Variants in HNRNPLL observed in about 807,000 individuals in gnomAD.
The protein encoded by HNRNPLL is heterogeneous nuclear ribonucleoprotein L-like.
In HNRNPLL, 25 loss-of-function variants were observed where a neutral mutation model predicts 67.1. The ratio of observed to expected loss-of-function variants is 0.37; its 90% CI spans 0.27 to 0.52. The LOEUF (loss-of-function observed/expected upper bound fraction) is 0.52. HNRNPLL is among the 20% of genes least tolerant of loss of function. The pLI is 0.90. For missense variants in HNRNPLL, 542 were observed against 673.9 expected (o/e 0.80, Z 2.17); for synonymous variants, 267 against 241.7 (o/e 1.10, Z -0.97).
At chr2:38,584,135 C>G (rs1401440228) in intron 3 of HNRNPLL, among the ~76,000 whole-genome samples, 2 of 152,166 alleles carry the variant, frequency 1.3e-5, no homozygotes, top group African/African-American at 4.8e-5. Flanking sequence ...GATCACAGTT[C>G]CCTACAGCCC....
chr2:38,568,535 T>G lies in HNRNPLL; in HGVS notation c.1417-92A>C. 3.9e-6 allele frequency: 3 copies of G among 761,254 alleles called. No homozygotes were observed. In the South Asian group the frequency reaches 5.4e-5, roughly 14 times the overall value. The allele number at this position is 761,254 out of a possible 1,614,324, so 47.2% of individuals were successfully genotyped here. ...TAAACTTTATGGCAGAATTTAAGTT[T>G]TAATTCTCAAATGAATGGATTAAAT... On this transcript the variant is annotated intron_variant, in intron 10 of 12. Coordinates refer to ENST00000449105, the MANE Select transcript of HNRNPLL (RefSeq NM_138394.4).
chr2:38,602,516 C>G lies in HNRNPLL; in HGVS notation c.111G>C (p.Glu37Asp). The G allele has an allele frequency of 1.3e-6, 2 of 1,551,890 alleles. No individual in the cohort carries two copies. Among genetic ancestry groups the G allele is most frequent in the Non-Finnish European group, 1.7e-6 (2 of 1,149,118 alleles). The part of the protein sequence containing the change: ...TEEGEIDYSA[E>D]EGENRREATP... ...TCGCTTCCCGGCGGTTCTCGCCTTCCTCGGCCGAGTAGTCGATCTCCCCCT... is the reference window on the plus strand; with the variant it reads ...TCGCTTCCCGGCGGTTCTCGCCTTCGTCGGCCGAGTAGTCGATCTCCCCCT... Residue 37 changes from glutamate (E) to aspartate (D), a missense_variant, in exon 1 of 13, where the codon GAG (glutamate) becomes GAC (aspartate). Glu to Asp is a conservative substitution (Grantham distance 45). This residue lies in a region of HNRNPLL where 127 missense variants were observed against 98.7 expected (regional missense o/e 1.29). Coordinates refer to ENST00000449105, the MANE Select transcript of HNRNPLL (RefSeq NM_138394.4).
intron 6 of HNRNPLL, among the ~76,000 whole-genome samples, 161 bp from the exon 7 acceptor site, chr2:38,577,693 C>T (rs1666353548): frequency 6.6e-6 from 1 of 152,082 alleles, no homozygotes; most frequent in African/African-American, 2.4e-5. Context: ...AATTTAAACA[C>T]AACACCAAGA....
At chr2:38,588,353 G>A (rs1204083766) in intron 2 of HNRNPLL, among the ~76,000 whole-genome samples, 1 of 151,600 alleles carries the variant, frequency 6.6e-6, no homozygotes, top group Non-Finnish European at 1.5e-5. Context: ...TTCAAGGCCA[G>A]CCTGGCCAAG....
In HNRNPLL at chr2:38,589,879, T is replaced by C. The variant is rs115369472; in HGVS notation, c.308+1651A>G. 6.1e-3 allele frequency among the ~76,000 whole-genome samples: 926 copies of C among 152,100 alleles called. 7 individuals are homozygous for C. Among genetic ancestry groups the C allele is most frequent in the African/African-American group, 0.021 (882 of 41,502 alleles). ...TAAATACACAAGAAGAGAGGAAAAATAAACCACAGACACCCACCTCTTTAT... is the reference window on the plus strand; with the variant it reads ...TAAATACACAAGAAGAGAGGAAAAACAAACCACAGACACCCACCTCTTTAT... On this transcript the variant is annotated intron_variant, in intron 2 of 12. Transcript: ENST00000449105.
At chr2:38,565,942 G>T in intron 12 of HNRNPLL, 1 of 785,132 alleles carries the variant, frequency 1.3e-6, no homozygotes, top group Non-Finnish European at 1.5e-6. Flanking sequence ...AATTTCAGAT[G>T]TTATTCCAGC....
chr2:38,568,121 T>C, intron 12 of HNRNPLL, 78 bp downstream of exon 12: 1 of 882,006 alleles, frequency 1.1e-6, no homozygotes, highest in South Asian at 1.6e-5. Flanking sequence ...TTAAGTGTTA[T>C]TTTTATATTA....
chr2:38,579,929 A>T (rs1666457163), intron 6 of HNRNPLL, among the ~76,000 whole-genome samples: 2 of 152,182 alleles, frequency 1.3e-5, no homozygotes, highest in African/African-American at 2.4e-5. Context: ...TTCAAAGCAT[A>T]AACTAAAAAC....
intron 12 of HNRNPLL, among the ~76,000 whole-genome samples, chr2:38,566,945 C>T (rs1033281843): frequency 5.3e-5 from 8 of 151,558 alleles, no homozygotes; most frequent in Admixed American, 3.9e-4. Context: ...AGTGGGGGGA[C>T]GGGTAAATAA....
chr2:38,573,354 A>G lies in HNRNPLL; in HGVS notation c.948T>C (p.Ala316=), dbSNP rs201219653. The G allele has an allele frequency of 1.2e-6, 2 of 1,612,792 alleles. No homozygotes were observed. The highest frequency in any genetic ancestry group is 2.7e-5 in the African/African-American group (2 of 74,970). ...AGGAAGAAGCCTGTGGTAATGGATA[A>G]GCAACAAGTTCAGGTGTATCTCGAG... ...MGSRDTPELV[A]YPLPQASSSY... is the part of the protein sequence containing the mutation. The change falls in exon 8 of 13, where the codon GCT becomes GCC. Residue 316 remains alanine (A), a synonymous_variant. Transcript: ENST00000449105.
In HNRNPLL at chr2:38,591,510, G is replaced by GA. The variant is rs1178499079; in HGVS notation, c.308+19dup. The GA allele has an allele frequency of 8.4e-7, 1 of 1,195,752 alleles. No homozygotes were observed. The highest frequency in any genetic ancestry group is 1.3e-6 in the Non-Finnish European group (1 of 798,080). The allele number at this position is 1,195,752 out of a possible 1,614,324, so 74.1% of individuals were successfully genotyped here. ...TTCTACCACAGTTTTCAATCTACAT[G>GA]AAGTCCCTATCATCCTTACCATATT... On this transcript the variant is annotated intron_variant, in intron 2 of 12. Transcript: ENST00000449105.
At chr2:38,567,936 A>G (rs781069516) in intron 12 of HNRNPLL, 38 of 305,500 alleles carry the variant, frequency 1.2e-4, no homozygotes, top group South Asian at 3.2e-4. Context: ...CTAAGCCCGA[A>G]TTGCCCAGCT....
At chr2:38,591,503 T>C (rs142269350) in intron 2 of HNRNPLL, 27 bp downstream of exon 2, 4 of 1,131,774 alleles carry the variant, frequency 3.5e-6, no homozygotes, top group East Asian at 2.3e-5. Flanking sequence ...CAGTTTTCAA[T>C]CTACATGAAG....
At chr2:38,573,069 A>G (rs568136176) in intron 8 of HNRNPLL, 141 bp downstream of exon 8, 24 of 631,812 alleles carry the variant, frequency 3.8e-5, no homozygotes, top group Non-Finnish European at 6.0e-5. Context: ...GAGTTCCTAT[A>G]TAATAGATTT....
chr2:38,564,316 T>C (rs1665766364), intron 12 of HNRNPLL, 79 bp from the exon 13 acceptor site: 2 of 786,302 alleles, frequency 2.5e-6, no homozygotes, highest in Admixed American at 2.1e-5. Flanking sequence ...GTAAATTACT[T>C]CACCTTTTTA....
At position 38,564,050 on chromosome 2, in the gene HNRNPLL, T is replaced by C. The variant is rs1665752697; in HGVS notation, c.*132A>G. On this transcript the variant is annotated 3_prime_UTR_variant, in exon 13 of 13. Coordinates refer to ENST00000449105, the MANE Select transcript of HNRNPLL (RefSeq NM_138394.4). ...CAACAAATTTACTCAAGGCAAAATA[T>C]GTTTATTACAGAACAGGATCTTAAA... The C allele has an allele frequency of 1.5e-6, 1 of 652,044 alleles. No homozygotes were observed. Among genetic ancestry groups the C allele is most frequent in the Admixed American group, 2.9e-5 (1 of 34,816 alleles). 40.4% of individuals were successfully genotyped at this position (652,044 alleles called of 1,614,324 possible). A position where few individuals can be genotyped will look rare whatever the true frequency, so the allele number is the denominator to read the frequency against.
At chr2:38,601,970 C>A in intron 1 of HNRNPLL, 1 of 178,112 alleles carries the variant, frequency 5.6e-6, no homozygotes, top group Non-Finnish European at 1.2e-5. Flanking sequence ...TACGGGTCTC[C>A]ATAGGACCGA....
intron 3 of HNRNPLL, among the ~76,000 whole-genome samples, chr2:38,584,420 T>C (rs1666647472): frequency 6.6e-6 from 1 of 152,200 alleles, no homozygotes. Context: ...TACACCCACA[T>C]TAAAGAAGTT....
chr2:38,577,781 A>G (rs1469789112), intron 6 of HNRNPLL: 1 of 502,008 alleles, frequency 2.0e-6, no homozygotes, highest in Non-Finnish European at 3.8e-6. Context: ...ATACAATCAC[A>G]CTTTCAAATT....
Sources: gnomAD v4.1 joint callset for allele counts (sites outside exome capture counted in the v4.1 genomes callset) on GRCh38, gnomAD v4.1.1 for gene constraint, gnomAD v4.1.1 regional missense constraint, MANE v1.5 for transcripts, NCBI Gene and HGNC (gene_info 2026-07-23, HGNC 2026-07-21) for gene names.